Variants in ELP3 observed in about 807,000 individuals in gnomAD.
ELP3 encodes elongator complex protein 3.
A neutral mutation model predicts 74.9 loss-of-function variants in ELP3; 56 were observed. That is an observed-to-expected ratio of 0.75 (90% confidence interval 0.60 to 0.93). The LOEUF (loss-of-function observed/expected upper bound fraction) is 0.93, where lower values mean the gene tolerates loss of function less well. ELP3 is among the 40% of genes least tolerant of loss of function. ELP3 has a pLI of 0.00. For synonymous variants in ELP3, 222 were observed against 239.8 expected (o/e 0.93, Z 0.68); for missense variants, 573 against 686.5 (o/e 0.83, Z 1.85).
chr8:28,115,267 AG>A (rs1812082992), intron 7 of ELP3, among the ~76,000 whole-genome samples: 3 of 152,170 alleles, frequency 2.0e-5, no homozygotes, highest in Admixed American at 6.5e-5. Context: ...ATCAGCTCAT[AG>A]GTAACATTGA....
chr8:28,178,755 C>T (rs1481888156), intron 14 of ELP3, among the ~76,000 whole-genome samples: 1 of 152,220 alleles, frequency 6.6e-6, no homozygotes, highest in Non-Finnish European at 1.5e-5. Context: ...TACAATTTTT[C>T]ACTACTACAG....
At chr8:28,095,746 T>A (rs1811227367) in intron 1 of ELP3, among the ~76,000 whole-genome samples, 1 of 152,192 alleles carries the variant, frequency 6.6e-6, no homozygotes, top group Admixed American at 6.5e-5. Context: ...ATTTTTCACA[T>A]CTATAAAATG....
intron 9 of ELP3, among the ~76,000 whole-genome samples, chr8:28,137,469 C>T (rs1813032518): frequency 6.6e-6 from 1 of 152,146 alleles, no homozygotes; most frequent in South Asian, 2.1e-4. Flanking sequence ...GTGCAGGAGA[C>T]AAGCTGGAAT....
At chr8:28,172,432 T>G (rs564780601) in intron 14 of ELP3, among the ~76,000 whole-genome samples, 2 of 152,136 alleles carry the variant, frequency 1.3e-5, no homozygotes, top group Non-Finnish European at 2.9e-5. Context: ...TAAAATTTTG[T>G]TTTTGAATTG....
chr8:28,159,620 C>T (rs1813986482), intron 12 of ELP3, among the ~76,000 whole-genome samples: 2 of 152,198 alleles, frequency 1.3e-5, no homozygotes, highest in Non-Finnish European at 2.9e-5. Context: ...AAAGCCTGTG[C>T]AGACTGCTAC....
intron 3 of ELP3, among the ~76,000 whole-genome samples, 186 bp downstream of exon 3, chr8:28,100,152 A>G (rs762941887): frequency 1.8e-4 from 27 of 152,354 alleles, no homozygotes; most frequent in Non-Finnish European, 2.8e-4. Context: ...AGAGAAAAAA[A>G]TATAATTGTG....
upstream of ELP3, chr8:28,092,718 C>G (rs950656167): frequency 8.9e-6 from 2 of 224,972 alleles, no homozygotes; most frequent in Non-Finnish European, 1.8e-5. Context: ...CGCCTGGTCT[C>G]TTCCAGGCCC....
chr8:28,155,787 C>G (rs189875889), intron 10 of ELP3, among the ~76,000 whole-genome samples, 155 bp from the exon 11 acceptor site: 343 of 152,292 alleles, frequency 2.3e-3, no homozygotes, highest in Non-Finnish European at 3.6e-3. Context: ...AGAGAAGCTC[C>G]TTGTTAGGAG....
At position 28,098,284 on chromosome 8, in the gene ELP3, G is replaced by A. The variant is rs117205681; in HGVS notation, c.119+966G>A. On this transcript the variant is annotated intron_variant, in intron 2 of 14. Coordinates refer to ENST00000256398, the MANE Select transcript of ELP3 (RefSeq NM_018091.6). ...AGGGTTCTCTCCCCAACCCCAGGTC[G>A]TCTAATCATCACATACAGGAATGAC... Among the ~76,000 whole-genome samples the A allele has an allele frequency of 5.3e-4, 80 of 151,716 alleles. No homozygotes were observed. The East Asian group carries it at 0.013, about 25-fold the overall frequency.
At chr8:28,110,071 A>G (rs137934340) in intron 5 of ELP3, among the ~76,000 whole-genome samples, 7 of 152,310 alleles carry the variant, frequency 4.6e-5, no homozygotes, top group African/African-American at 1.7e-4. Flanking sequence ...ATGCACATCT[A>G]TGTCTGTGAG....
intron 10 of ELP3, among the ~76,000 whole-genome samples, chr8:28,143,795 G>A (rs1343003865): frequency 6.6e-5 from 10 of 152,122 alleles, no homozygotes; most frequent in Non-Finnish European, 1.5e-4. Flanking sequence ...GAAGGATTAC[G>A]CATGGTAAAG....
At position 28,160,469 on chromosome 8, in the gene ELP3, C is replaced by T. The variant is rs377115268; in HGVS notation, c.1485+13C>T. The T allele has an allele frequency of 1.5e-5, 24 of 1,606,474 alleles. No homozygotes were observed. In the African/African-American group the frequency reaches 3.1e-4, roughly 21 times the overall value. On this transcript the variant is annotated intron_variant, in intron 13 of 14. Coordinates refer to ENST00000256398, the MANE Select transcript of ELP3 (RefSeq NM_018091.6). ...ATTTCAGCATCAGGTATCCTGTATTCCATTTCTATTTGACTTCTAAGAAAC... is the reference window on the plus strand; with the variant it reads ...ATTTCAGCATCAGGTATCCTGTATTTCATTTCTATTTGACTTCTAAGAAAC...
chr8:28,131,918 C>T (rs1032570372), intron 8 of ELP3, among the ~76,000 whole-genome samples: 1 of 152,190 alleles, frequency 6.6e-6, no homozygotes, highest in African/African-American at 2.4e-5. Flanking sequence ...CAGGTATTTA[C>T]ATTCATAAGC....
intron 11 of ELP3, 112 bp from the exon 12 acceptor site, chr8:28,158,456 C>T: frequency 1.3e-6 from 1 of 760,066 alleles, no homozygotes; most frequent in Non-Finnish European, 2.3e-6. Context: ...TAATTTTGAG[C>T]CCAGGGTTTG....
At chr8:28,100,054 T>C (rs1811414714) in intron 3 of ELP3, 88 bp downstream of exon 3, 1 of 1,559,802 alleles carries the variant, frequency 6.4e-7, no homozygotes, top group African/African-American at 1.4e-5. Context: ...TGTAGTGAGG[T>C]AGAGGTTGGG....
intron 10 of ELP3, among the ~76,000 whole-genome samples, chr8:28,145,946 C>T (rs149476211): frequency 2.6e-5 from 4 of 152,166 alleles, no homozygotes; most frequent in African/African-American, 9.6e-5. Context: ...AGGCAGGTAT[C>T]AGAAGGGAGA....
chr8:28,133,829 C>T (rs28653620), intron 9 of ELP3, among the ~76,000 whole-genome samples: 3,878 of 152,160 alleles, frequency 0.025, 193 homozygotes, highest in African/African-American at 0.089. Flanking sequence ...TATCCCTCTT[C>T]GTAATTCCCC....
At chr8:28,115,929 A>G (rs1812113947) in intron 7 of ELP3, among the ~76,000 whole-genome samples, 2 of 152,178 alleles carry the variant, frequency 1.3e-5, no homozygotes, top group Admixed American at 1.3e-4. Context: ...ATAGCTAATT[A>G]TAAGGTTGTT....
At chr8:28,148,355 T>C (rs564320485) in intron 10 of ELP3, among the ~76,000 whole-genome samples, 33 of 152,282 alleles carry the variant, frequency 2.2e-4, no homozygotes, top group African/African-American at 7.9e-4. Context: ...ATGGTGACCA[T>C]GGTGTAGATA....
Sources: allele counts gnomAD v4.1 joint callset (sites outside exome capture counted in the v4.1 genomes callset), GRCh38; gene constraint gnomAD v4.1.1; transcripts MANE v1.5; gene names NCBI Gene and HGNC (gene_info 2026-07-23, HGNC 2026-07-21).